Variants in STPG2 observed in about 807,000 individuals in gnomAD.
STPG2 encodes the protein sperm-tail PG-rich repeat-containing protein 2.
In STPG2, 56 loss-of-function variants were observed where a neutral mutation model predicts 54.2. That is an observed-to-expected ratio of 1.03 (90% CI 0.83 to 1.29). STPG2 has a LOEUF of 1.29. Among genes scored for constraint, STPG2 ranks in the 50% most tolerant of loss-of-function variants. The pLI is 0.00. For synonymous variants in STPG2, 200 were observed against 181.8 expected (o/e 1.10, Z -0.81); for missense variants, 596 against 544.9 (o/e 1.09, Z -0.93).
At chr4:97,738,676 T>C (rs986719437) in intron 9 of STPG2, among the ~76,000 whole-genome samples, 5 of 152,098 alleles carry the variant, frequency 3.3e-5, no homozygotes, top group Non-Finnish European at 5.9e-5. Context: ...CCTAAATATA[T>C]ATGCACCCAA....
At chr4:97,830,137 A>C (rs989277376) in intron 9 of STPG2, among the ~76,000 whole-genome samples, 8 of 152,202 alleles carry the variant, frequency 5.3e-5, no homozygotes, top group Admixed American at 5.2e-4. Flanking sequence ...AAGTCGCATT[A>C]TCCACAAAGG....
chr4:97,616,975 T>C (rs1733889484), intron 10 of STPG2, among the ~76,000 whole-genome samples: 1 of 152,152 alleles, frequency 6.6e-6, no homozygotes. Context: ...TCAAATTTTC[T>C]CAAATTCTAA....
intron 10 of STPG2, among the ~76,000 whole-genome samples, chr4:97,706,582 T>C (rs546154349): frequency 7.0e-4 from 106 of 152,316 alleles, no homozygotes; most frequent in Non-Finnish European, 1.4e-3. Context: ...TCTGTTAGTT[T>C]GTTAAAGCAG....
intron 3 of STPG2, among the ~76,000 whole-genome samples, chr4:98,119,630 A>G (rs1289503988): frequency 6.6e-6 from 1 of 151,984 alleles, no homozygotes; most frequent in Non-Finnish European, 1.5e-5. Context: ...GTTCCAGGGT[A>G]TATCAGCAGA....
chr4:97,786,690 T>C (rs926431608), intron 9 of STPG2, among the ~76,000 whole-genome samples: 1 of 152,076 alleles, frequency 6.6e-6, no homozygotes, highest in Non-Finnish European at 1.5e-5. Flanking sequence ...ATCATCTCTT[T>C]GTCCAATGCA....
chr4:97,479,107 T>C (rs921540343), intron 4 of STPG2, among the ~76,000 whole-genome samples: 1 of 151,674 alleles, frequency 6.6e-6, no homozygotes, highest in Non-Finnish European at 1.5e-5. Context: ...AGGATATACA[T>C]AGCAGAATAT....
intron 8 of STPG2, among the ~76,000 whole-genome samples, chr4:97,939,863 T>C (rs771909454): frequency 1.2e-4 from 19 of 152,230 alleles, no homozygotes; most frequent in Non-Finnish European, 2.2e-4. Context: ...CTGGTTATTA[T>C]GTTGGCTTGT....
chr4:97,742,730 CA>C (rs1479409402), intron 9 of STPG2, among the ~76,000 whole-genome samples: 1 of 130,668 alleles, frequency 7.7e-6, no homozygotes, highest in Non-Finnish European at 1.7e-5. Flanking sequence ...AAAACAAAAA[CA>C]GAGTAAAACA....
chr4:98,107,913 T>C (rs951275044), intron 4 of STPG2, among the ~76,000 whole-genome samples: 1 of 152,052 alleles, frequency 6.6e-6, no homozygotes, highest in Non-Finnish European at 1.5e-5. Context: ...TTGTCTTGCT[T>C]GGAATAATAA....
chr4:97,895,257 C>A (rs1026304922), intron 8 of STPG2, among the ~76,000 whole-genome samples: 30 of 151,746 alleles, frequency 2.0e-4, no homozygotes, highest in African/African-American at 7.3e-4. Context: ...CTAATCTACA[C>A]CTAAAACATG....
At chr4:97,929,645 T>C (rs1333616840) in intron 8 of STPG2, among the ~76,000 whole-genome samples, 1 of 152,224 alleles carries the variant, frequency 6.6e-6, no homozygotes, top group Non-Finnish European at 1.5e-5. Context: ...GAACTTTTTC[T>C]CAGTTGATTG....
intron 4 of STPG2, among the ~76,000 whole-genome samples, chr4:97,536,190 C>T (rs1731526249): frequency 6.6e-6 from 1 of 152,190 alleles, no homozygotes; most frequent in African/African-American, 2.4e-5. Flanking sequence ...ATCTTTCCTT[C>T]TGCAGTGTCA....
At chr4:97,711,965 G>A (rs1323930070) in intron 10 of STPG2, among the ~76,000 whole-genome samples, 4 of 151,910 alleles carry the variant, frequency 2.6e-5, no homozygotes, top group Admixed American at 2.0e-4. Context: ...CACTGTGCCT[G>A]GCCTTAGATT....
chr4:97,713,013 C>G (rs530419276), intron 9 of STPG2, among the ~76,000 whole-genome samples, 199 bp from the exon 10 acceptor site: 2 of 151,862 alleles, frequency 1.3e-5, no homozygotes, highest in African/African-American at 4.8e-5. Flanking sequence ...ATCTGTTTAC[C>G]TAATAATTAA....
At chr4:97,655,282 C>G (rs1053103915) in intron 10 of STPG2, among the ~76,000 whole-genome samples, 2 of 152,028 alleles carry the variant, frequency 1.3e-5, no homozygotes, top group Non-Finnish European at 2.9e-5. Context: ...TCTGATAGTA[C>G]TACCTCGTGA....
rs1181140078 is a variant in STPG2 at position 97,494,717 on chromosome 4, G to A, written c.462+217982C>T. 5.7e-5 allele frequency among the ~76,000 whole-genome samples: 3 copies of A among 52,214 alleles called. No homozygotes were observed. In the South Asian group the frequency reaches 2.5e-3, roughly 43 times the overall value. 34.3% of individuals were successfully genotyped at this position (52,214 alleles called of 152,430 possible). A position where few individuals can be genotyped will look rare whatever the true frequency, so the allele number is the denominator to read the frequency against. On this transcript the variant is annotated intron_variant, in intron 4 of 4. Coordinates refer to the STPG2 transcript ENST00000522676. ...GTAATGGGATGAGAGTTTTGCGGAA[G>A]GAGTAAGGATTTTTTTTTTGTGGGA...
chr4:98,114,718 A>G (rs1045316641), intron 3 of STPG2, among the ~76,000 whole-genome samples: 3 of 145,562 alleles, frequency 2.1e-5, no homozygotes, highest in Non-Finnish European at 4.5e-5. Context: ...GTACATGTGC[A>G]CACACACACA....
intron 10 of STPG2, among the ~76,000 whole-genome samples, chr4:97,706,819 A>G (rs1057254939): frequency 1.4e-4 from 21 of 152,326 alleles, no homozygotes; most frequent in African/African-American, 5.1e-4. Context: ...CAAGTGTCAA[A>G]TTAAAAGAGA....
chr4:97,473,996 A>G (rs935480818), intron 4 of STPG2, among the ~76,000 whole-genome samples: 36 of 152,148 alleles, frequency 2.4e-4, no homozygotes, highest in Admixed American at 2.0e-3. Flanking sequence ...ACTATTCTAT[A>G]TAACAATGTT....
Sources: allele counts gnomAD v4.1 joint callset (sites outside exome capture counted in the v4.1 genomes callset), GRCh38; gene constraint gnomAD v4.1.1; transcripts MANE v1.5; gene names NCBI Gene and HGNC (gene_info 2026-07-23, HGNC 2026-07-21).